BCAR3: variants seen among roughly 807,000 people sequenced by gnomAD.
BCAR3 encodes the protein breast cancer anti-estrogen resistance protein 3.
Under a neutral mutation model 80.1 loss-of-function variants are expected in BCAR3, and 37 were observed. The ratio of observed to expected loss-of-function variants is 0.46; its 90% confidence interval spans 0.36 to 0.61. The LOEUF is 0.61. BCAR3 is among the 20% of genes least tolerant of loss of function. The pLI, the probability that BCAR3 is intolerant of heterozygous loss-of-function variation, is 0.00. For missense variants in BCAR3, 978 were observed against 1,068.2 expected (o/e 0.92, Z 1.18); for synonymous variants, 389 against 418.9 (o/e 0.93, Z 0.87).
At chr1:93,630,082 GAA>G (rs1266006516) in intron 3 of BCAR3, among the ~76,000 whole-genome samples, 3 of 152,142 alleles carry the variant, frequency 2.0e-5, no homozygotes, top group Middle Eastern at 3.2e-3. Flanking sequence ...TAAAATAACT[GAA>G]GAGTACAATT....
intron 2 of BCAR3, among the ~76,000 whole-genome samples, chr1:93,757,424 G>A (rs1041056506): frequency 2.6e-5 from 4 of 152,174 alleles, no homozygotes; most frequent in Non-Finnish European, 4.4e-5. Flanking sequence ...CACCAATTCC[G>A]AGGCCAACTT....
Position 93,582,711 on chromosome 1 carries a change from C to CT in BCAR3, c.1275dup (p.Glu426ArgfsTer6), listed in dbSNP as rs757858652. 1.2e-5 allele frequency: 19 copies of CT among 1,614,132 alleles called. No homozygotes were observed. Among genetic ancestry groups the CT allele is most frequent in the East Asian group, 2.2e-5 (1 of 44,872 alleles). ...GGGTTCAGTTCACAGTAGTTGGCCT[C>CT]TGAGTTGAGCCAGGCAGAGGGAGAC... On this transcript the variant is annotated frameshift_variant, in exon 7 of 12. Coordinates refer to ENST00000260502, the MANE Select transcript of BCAR3 (RefSeq NM_003567.4). LOFTEE classifies it high-confidence loss of function.
intron 3 of BCAR3, among the ~76,000 whole-genome samples, chr1:93,632,825 C>T (rs558590289): frequency 2.2e-4 from 34 of 152,220 alleles, no homozygotes; most frequent in African/African-American, 7.5e-4. Flanking sequence ...CAAGACCAGC[C>T]TGACCAACAT....
rs766647597 is a variant in BCAR3, at chr1:93,674,750, T to C, written c.181A>G (p.Ile61Val). Residue 61 changes from isoleucine (I) to valine (V), a missense_variant, in exon 2 of 12, where the codon ATA becomes GTA. By Grantham distance (29) the Ile-to-Val change is conservative. Coordinates refer to ENST00000260502, the MANE Select transcript of BCAR3 (RefSeq NM_003567.4). The part of the protein sequence containing the change: ...LPRKKKGPPP[I>V]RSCDDFSHMG... ...TGACTGAAGTCATCACAGGACCTTA[T>C]GGGAGGAGGACCTTTTTTCTTCCGT... The C allele has an allele frequency of 1.2e-6, 2 of 1,613,474 alleles. No homozygotes were observed.
rs528322475 is a variant in BCAR3, at chr1:93,807,015, A to C, written c.-63+38552T>G. Among the ~76,000 whole-genome samples the C allele has an allele frequency of 3.0e-4, 45 of 152,222 alleles. 2 individuals are homozygous for C. The South Asian group carries it at 9.1e-3, about 31-fold the overall frequency. ...AGCTACTTGAGGGGCCTAGGTGGGA[A>C]GATTGCTTGAGCCCAGGATATCAAG... On this transcript the variant is annotated intron_variant, in intron 2 of 13. Coordinates refer to the BCAR3 transcript ENST00000370244.
intron 2 of BCAR3, among the ~76,000 whole-genome samples, chr1:93,777,307 T>A (rs9729722): frequency 0.29 from 44,560 of 151,066 alleles, 9,188 homozygotes; most frequent in African/African-American, 0.58. Flanking sequence ...TACCCAGAAT[T>A]ATTATTTATT....
At chr1:93,845,511 TTTACA>T (rs1571168420) in intron 2 of BCAR3, 3 of 77,580 alleles carry the variant, frequency 3.9e-5, no homozygotes, top group East Asian at 4.6e-4. Flanking sequence ...TAAAACTTTG[TTTACA>T]TTAGAGTATA....
chr1:93,822,717 T>C (rs12139877), intron 2 of BCAR3, among the ~76,000 whole-genome samples: 21,658 of 151,942 alleles, frequency 0.14, 2,537 homozygotes, highest in African/African-American at 0.31. Context: ...GGCAGGGACC[T>C]GAACATGAAG....
intron 5 of BCAR3, 44 bp from the exon 6 acceptor site, chr1:93,584,165 T>TA: frequency 6.4e-7 from 1 of 1,570,518 alleles, no homozygotes; most frequent in East Asian, 2.2e-5. Flanking sequence ...TACTAACGTG[T>TA]AAAATAAAAC....
At chr1:93,637,170 G>T (rs1310027513) in intron 3 of BCAR3, among the ~76,000 whole-genome samples, 11 of 151,538 alleles carry the variant, frequency 7.3e-5, no homozygotes, top group Non-Finnish European at 5.9e-5. Flanking sequence ...AGGAGAAAAT[G>T]TAAAATTTTT....
chr1:93,742,805 A>T (rs989417596), intron 2 of BCAR3, among the ~76,000 whole-genome samples: 1 of 152,222 alleles, frequency 6.6e-6, no homozygotes, highest in African/African-American at 2.4e-5. Flanking sequence ...ACTATTTCAA[A>T]AACAACAAAC....
At chr1:93,574,826 G>T (rs981469316) in intron 8 of BCAR3, among the ~76,000 whole-genome samples, 2 of 152,152 alleles carry the variant, frequency 1.3e-5, no homozygotes, top group Non-Finnish European at 2.9e-5. Flanking sequence ...TCAGAAGCGG[G>T]ACCTAGAATT....
chr1:93,789,336 T>A lies in BCAR3; in HGVS notation c.-63+56231A>T, dbSNP rs184213966. On this transcript the variant is annotated intron_variant, in intron 2 of 13. Transcript: ENST00000370244. ...CTCACCAGCAAAGAAAGACACTGAATCTAACATGTAAAGACCTATTATATG... is the reference window on the plus strand; with the variant it reads ...CTCACCAGCAAAGAAAGACACTGAAACTAACATGTAAAGACCTATTATATG... Among the ~76,000 whole-genome samples, 15 of 152,340 alleles carry A rather than the reference T, an allele frequency of 9.8e-5. No individual in the cohort carries two copies. In the East Asian group the frequency reaches 2.5e-3, roughly 25 times the overall value.
intron 3 of BCAR3, among the ~76,000 whole-genome samples, chr1:93,699,825 G>GCACACA (rs144302941): frequency 6.6e-6 from 1 of 150,426 alleles, no homozygotes; most frequent in Non-Finnish European, 1.5e-5. Flanking sequence ...ACACACAGGT[G>GCACACA]CACACACACA....
At chr1:93,825,886 T>C (rs1557700898) in intron 2 of BCAR3, among the ~76,000 whole-genome samples, 1 of 152,204 alleles carries the variant, frequency 6.6e-6, no homozygotes. Flanking sequence ...TTTGCCCACA[T>C]GCCAGCTCTC....
chr1:93,715,853 C>A (rs560503217), intron 2 of BCAR3, among the ~76,000 whole-genome samples: 4 of 152,314 alleles, frequency 2.6e-5, no homozygotes, highest in Admixed American at 2.6e-4. Flanking sequence ...CTTGACGTTG[C>A]CCTTTTTCAA....
chr1:93,602,733 A>G (rs1014536108), intron 3 of BCAR3, among the ~76,000 whole-genome samples: 6 of 152,238 alleles, frequency 3.9e-5, no homozygotes, highest in Admixed American at 3.9e-4. Flanking sequence ...TAAATTGATC[A>G]TGAACCCAAA....
intron 2 of BCAR3, among the ~76,000 whole-genome samples, chr1:93,777,389 CCT>C (rs1413235197): frequency 7.3e-6 from 1 of 137,430 alleles, no homozygotes; most frequent in Admixed American, 7.1e-5. Flanking sequence ...TCTTCTTCTT[CCT>C]CTTCTTCCTC....
intron 3 of BCAR3, among the ~76,000 whole-genome samples, chr1:93,595,636 T>A (rs184195123): frequency 2.0e-5 from 3 of 152,358 alleles, no homozygotes; most frequent in Admixed American, 2.0e-4. Flanking sequence ...CCCAGCTGCC[T>A]GTATTTTATG....
Sources: allele counts gnomAD v4.1 joint callset (sites outside exome capture counted in the v4.1 genomes callset), GRCh38; gene constraint gnomAD v4.1.1; transcripts MANE v1.5; gene names NCBI Gene and HGNC (gene_info 2026-07-23, HGNC 2026-07-21).